The following CREBRF variants were observed in gnomAD, a reference collection of about 807,000 sequenced individuals.
CREBRF encodes the protein CREB3 regulatory factor.
CREBRF carries 5 observed loss-of-function variants against 66.1 expected under a neutral mutation model. The ratio of observed to expected loss-of-function variants is 0.08; its 90% CI spans 0.04 to 0.16. CREBRF has a LOEUF of 0.16. Among genes scored for constraint, CREBRF ranks in the 10% least tolerant of loss-of-function variants. CREBRF has a pLI of 1.00. For synonymous variants in CREBRF, 229 were observed against 264.4 expected, an observed-to-expected ratio of 0.87 and a Z score of 1.30; for missense variants, 531 against 744.9, an observed-to-expected ratio of 0.71 and a Z score of 3.34.
chr5:173,076,523 G>T (rs185065576), intron 1 of CREBRF, among the ~76,000 whole-genome samples: 150 of 152,206 alleles, frequency 9.9e-4, no homozygotes, highest in East Asian at 9.6e-4. Context: ...GGACAAGATG[G>T]GTGGATCACC....
intron 4 of CREBRF, among the ~76,000 whole-genome samples, chr5:173,103,800 A>T (rs2113761772): frequency 6.6e-6 from 1 of 152,358 alleles, no homozygotes; most frequent in East Asian, 1.9e-4. Context: ...AATTTTCACT[A>T]AACATCTTCA....
At position 173,130,618 on chromosome 5, in the gene CREBRF, G is replaced by A. The variant is rs563589456; in HGVS notation, c.1805-3012G>A. On this transcript the variant is annotated intron_variant, in intron 8 of 8. Transcript: ENST00000296953. ...TAGCTCACTGCAGCCTCCAACTCCTGGACTCAAGTGATCTTTCAGCACCAA... is the reference window on the plus strand; with the variant it reads ...TAGCTCACTGCAGCCTCCAACTCCTAGACTCAAGTGATCTTTCAGCACCAA... 1.2e-3 allele frequency among the ~76,000 whole-genome samples: 183 copies of A among 151,618 alleles called. 1 individual carries two copies. Among genetic ancestry groups the A allele is most frequent in the Non-Finnish European group, 2.2e-3 (147 of 67,900 alleles).
chr5:173,076,388 CCTTT>C (rs1252685997), intron 1 of CREBRF, among the ~76,000 whole-genome samples: 4 of 152,138 alleles, frequency 2.6e-5, no homozygotes, highest in African/African-American at 9.7e-5. Flanking sequence ...TGCCTGTCTT[CCTTT>C]CTTTCCTTTC....
At position 173,100,118 on chromosome 5, in the gene CREBRF, G is replaced by GTGTGTGTGTATATA. The variant is rs70984939; in HGVS notation, c.1223-8505_1223-8504insGTGTGTGTATATAT. Among the ~76,000 whole-genome samples, 325 of 88,336 alleles carry GTGTGTGTGTATATA rather than the reference G, an allele frequency of 3.7e-3. 2 individuals are homozygous for GTGTGTGTGTATATA. Among genetic ancestry groups the GTGTGTGTGTATATA allele is most frequent in the East Asian group, 0.018 (61 of 3,348 alleles). The allele number at this position is 88,336 out of a possible 152,430, so 58.0% of individuals were successfully genotyped here. A position where few individuals can be genotyped will look rare whatever the true frequency, so the allele number is the denominator to read the frequency against. On this transcript the variant is annotated intron_variant, in intron 4 of 8. Transcript: ENST00000296953. ...TGTGTGTGTGTGTGTGTGTGTGTGT[G>GTGTGTGTGTATATA]TATATATATATAATTTTTTTTTTTT...
At chr5:173,106,922 G>T (rs754279968) in intron 4 of CREBRF, among the ~76,000 whole-genome samples, 4 of 151,968 alleles carry the variant, frequency 2.6e-5, no homozygotes, top group Non-Finnish European at 5.9e-5. Flanking sequence ...GCTAATTTTT[G>T]TATTTTTAGT....
intron 8 of CREBRF, among the ~76,000 whole-genome samples, chr5:173,132,268 G>A (rs1207611495): frequency 2.0e-5 from 3 of 149,958 alleles, no homozygotes; most frequent in African/African-American, 7.4e-5. Context: ...TGTATTTTTC[G>A]TAGAGACAGG....
intron 7 of CREBRF, among the ~76,000 whole-genome samples, chr5:173,115,716 C>T (rs1447320649): frequency 6.6e-6 from 1 of 152,158 alleles, no homozygotes; most frequent in Non-Finnish European, 1.5e-5. Context: ...CAGCTCACTG[C>T]AAGCTCCGCC....
intron 1 of CREBRF, among the ~76,000 whole-genome samples, chr5:173,059,265 C>CTTT (rs60946984): frequency 7.6e-5 from 5 of 65,580 alleles, no homozygotes; most frequent in East Asian, 2.9e-4. Flanking sequence ...TCTTTTTTTT[C>CTTT]TTTTTTTTTT....
intron 7 of CREBRF, among the ~76,000 whole-genome samples, chr5:173,113,332 G>A (rs1347835093): frequency 3.4e-5 from 5 of 147,796 alleles, no homozygotes; most frequent in East Asian, 4.0e-4. Context: ...TTTTTGAGAC[G>A]GAGTCTCGCC....
intron 1 of CREBRF, among the ~76,000 whole-genome samples, chr5:173,076,059 A>T (rs1347167971): frequency 1.6e-4 from 3 of 18,616 alleles, no homozygotes; most frequent in South Asian, 1.4e-3. Flanking sequence ...CATCTCTACA[A>T]AAAAAAAAAA....
chr5:173,099,000 C>T (rs1758547276), intron 4 of CREBRF, among the ~76,000 whole-genome samples: 1 of 152,014 alleles, frequency 6.6e-6, no homozygotes, highest in South Asian at 2.1e-4. Context: ...CTGCTTCAGC[C>T]TCCTGAGTAG....
chr5:173,082,003 G>GTTTTTTTTTTTTTTTTTTTTTTTT (rs869148787), intron 2 of CREBRF, among the ~76,000 whole-genome samples: 8 of 78,076 alleles, frequency 1.0e-4, no homozygotes, highest in Admixed American at 1.6e-4. Context: ...TCAAGGTTTA[G>GTTTTTTTTTTTTTTTTTTTTTTTT]TTTTTTTTTT....
chr5:173,085,240 G>T, intron 2 of CREBRF: 1 of 434,904 alleles, frequency 2.3e-6, no homozygotes, highest in Non-Finnish European at 4.0e-6. Context: ...ACTGCCCCCA[G>T]CCTGAATTTT....
At chr5:173,129,718 C>CAAA (rs36113811) in intron 8 of CREBRF, among the ~76,000 whole-genome samples, 1 of 105,688 alleles carries the variant, frequency 9.5e-6, no homozygotes, top group African/African-American at 3.9e-5. Flanking sequence ...GACCTCATCT[C>CAAA]AAAAAAAAAA....
chr5:173,125,140 G>A (rs1199112035), intron 8 of CREBRF, among the ~76,000 whole-genome samples: 5 of 151,716 alleles, frequency 3.3e-5, no homozygotes, highest in Admixed American at 6.6e-5. Context: ...GGCTGGTCTC[G>A]AACTCCTGAC....
Position 173,136,665 on chromosome 5 carries a change from TATTGTCATTAAAA to T in CREBRF, c.*2921_*2933del, listed in dbSNP as rs1759592385. On this transcript the variant is annotated 3_prime_UTR_variant, in exon 9 of 9. Transcript: ENST00000296953. ...AATGCCAGTAATAATCTGCTTCCTC[TATTGTCATTAAAA>T]TATATACGTTTAGTGTATCACACAA... 1 of 152,494 alleles carries T rather than the reference TATTGTCATTAAAA, an allele frequency of 6.6e-6. No individual in the cohort carries two copies. The highest frequency in any genetic ancestry group is 2.4e-5 in the African/African-American group (1 of 41,464). 9.4% of individuals were successfully genotyped at this position (152,494 alleles called of 1,614,324 possible). A position where few individuals can be genotyped will look rare whatever the true frequency, so the allele number is the denominator to read the frequency against.
At chr5:173,100,497 T>C (rs1306346752) in intron 4 of CREBRF, among the ~76,000 whole-genome samples, 1 of 151,938 alleles carries the variant, frequency 6.6e-6, no homozygotes, top group Non-Finnish European at 1.5e-5. Context: ...TGATCTCAGC[T>C]CACTGCAACT....
At chr5:173,118,016 G>A (rs1759047630) in intron 7 of CREBRF, among the ~76,000 whole-genome samples, 1 of 152,078 alleles carries the variant, frequency 6.6e-6, no homozygotes. Flanking sequence ...TGGGACTACA[G>A]GAGTCTGCCA....
intron 2 of CREBRF, chr5:173,085,440 G>A: frequency 1.3e-6 from 1 of 766,612 alleles, no homozygotes; most frequent in East Asian, 2.6e-5. Context: ...TTTGGAGACG[G>A]AGTTTCGCTC....
Sources: allele counts gnomAD v4.1 joint callset (sites outside exome capture counted in the v4.1 genomes callset), GRCh38; gene constraint gnomAD v4.1.1; transcripts MANE v1.5; gene names NCBI Gene and HGNC (gene_info 2026-07-23, HGNC 2026-07-21).